PRELID2: variants seen among roughly 807,000 people sequenced by gnomAD.
PRELID2 encodes the protein PRELI domain containing 2.
PRELID2 carries 25 observed loss-of-function variants against 28.4 expected under a neutral mutation model. That is an observed-to-expected ratio of 0.88 (90% CI 0.64 to 1.23). The LOEUF (loss-of-function observed/expected upper bound fraction) is 1.23. Ranked by LOEUF, PRELID2 falls within the 50% of genes most tolerant of loss-of-function variation. PRELID2 has a pLI of 0.00. For missense variants in PRELID2, 201 were observed against 214.4 expected (o/e 0.94, Z 0.39); for synonymous variants, 76 against 71.6 (o/e 1.06, Z -0.31).
intron 1 of PRELID2, among the ~76,000 whole-genome samples, chr5:145,556,865 A>T (rs1013708459): frequency 2.0e-5 from 3 of 152,150 alleles, no homozygotes; most frequent in African/African-American, 7.2e-5. Flanking sequence ...CTATATGCCT[A>T]GGTAACTCCT....
intron 1 of PRELID2, among the ~76,000 whole-genome samples, chr5:145,569,313 T>A (rs1561507980): frequency 6.6e-6 from 1 of 152,248 alleles, no homozygotes; most frequent in Non-Finnish European, 1.5e-5. Context: ...TTCTACAGAA[T>A]ATATTCTAAA....
chr5:145,476,335 G>A (rs1164577579), intron 1 of PRELID2, among the ~76,000 whole-genome samples: 1 of 152,194 alleles, frequency 6.6e-6, no homozygotes, highest in East Asian at 1.9e-4. Context: ...AGTAGAAGAA[G>A]ATAAATTTGA....
intron 1 of PRELID2, among the ~76,000 whole-genome samples, chr5:145,684,956 A>T (rs1755007404): frequency 6.6e-6 from 1 of 152,180 alleles, no homozygotes; most frequent in Non-Finnish European, 1.5e-5. Context: ...GGTATAAGAC[A>T]GATATGAAGA....
At chr5:145,808,546 G>A (rs998995545) in intron 4 of PRELID2, among the ~76,000 whole-genome samples, 2 of 152,120 alleles carry the variant, frequency 1.3e-5, no homozygotes, top group African/African-American at 4.8e-5. Context: ...AGAGAGTGAA[G>A]AATATTCATG....
the PRELID2 span, among the ~76,000 whole-genome samples, chr5:145,457,212 C>T: frequency 2.4e-4 from 36 of 152,058 alleles, no homozygotes; most frequent in African/African-American, 8.7e-4. Flanking sequence ...CACTTACTCT[C>T]CATGTGACAC....
At chr5:145,676,077 G>A (rs370109802) in intron 1 of PRELID2, among the ~76,000 whole-genome samples, 132 of 151,698 alleles carry the variant, frequency 8.7e-4, no homozygotes, top group African/African-American at 2.9e-3. Flanking sequence ...AAAATTAGCC[G>A]GGCGTGGTGG....
At chr5:145,746,283 A>T (rs1756989569) in intron 1 of PRELID2, among the ~76,000 whole-genome samples, 1 of 152,164 alleles carries the variant, frequency 6.6e-6, no homozygotes, top group Admixed American at 6.5e-5. Context: ...CTCACATGCA[A>T]AGTCACACAT....
chr5:145,350,187 CCTT>C, the PRELID2 span, among the ~76,000 whole-genome samples: 1 of 152,124 alleles, frequency 6.6e-6, no homozygotes, highest in Admixed American at 6.6e-5. Flanking sequence ...CCTGATGACT[CCTT>C]AGCATGTAGT....
chr5:145,765,272 T>A (rs1338770951), intron 5 of PRELID2, among the ~76,000 whole-genome samples: 1 of 152,148 alleles, frequency 6.6e-6, no homozygotes, highest in African/African-American at 2.4e-5. Context: ...CCAAGAGTAG[T>A]TAAATAACTT....
chr5:145,695,500 C>T (rs1162999562), intron 1 of PRELID2, among the ~76,000 whole-genome samples: 1 of 152,186 alleles, frequency 6.6e-6, no homozygotes, highest in African/African-American at 2.4e-5. Context: ...TGGTCAATTT[C>T]CAGTGCCACC....
intron 1 of PRELID2, among the ~76,000 whole-genome samples, chr5:145,723,409 T>C (rs955943305): frequency 2.6e-5 from 4 of 152,092 alleles, no homozygotes; most frequent in African/African-American, 9.7e-5. Context: ...AGTAATTACA[T>C]GGAGATGGGA....
chr5:145,574,127 A>G (rs1186746022), intron 1 of PRELID2, among the ~76,000 whole-genome samples: 1 of 152,186 alleles, frequency 6.6e-6, no homozygotes, highest in African/African-American at 2.4e-5. Flanking sequence ...AGGGAGGCAG[A>G]AAAGAGAGAA....
the PRELID2 span, among the ~76,000 whole-genome samples, chr5:145,356,038 G>A: frequency 6.6e-6 from 1 of 152,112 alleles, no homozygotes; most frequent in African/African-American, 2.4e-5. Context: ...TTCTTCCAAT[G>A]TCTTACTAAA....
chr5:145,514,845 A>G (rs1283666908), intron 1 of PRELID2, among the ~76,000 whole-genome samples: 1 of 152,260 alleles, frequency 6.6e-6, no homozygotes, highest in Non-Finnish European at 1.5e-5. Flanking sequence ...ACTCGTGATT[A>G]AGAAACTCAC....
At chr5:145,600,420 G>GGAAA (rs1491541560) in intron 1 of PRELID2, among the ~76,000 whole-genome samples, 111 of 124,130 alleles carry the variant, frequency 8.9e-4, no homozygotes, top group African/African-American at 3.8e-3. Flanking sequence ...CTCAGGGGGG[G>GGAAA]AAAAAAAAAA....
intron 5 of PRELID2, among the ~76,000 whole-genome samples, chr5:145,786,652 C>T (rs1350063098): frequency 6.6e-6 from 1 of 152,180 alleles, no homozygotes; most frequent in African/African-American, 2.4e-5. Context: ...AGAGGTAATA[C>T]ATATGTGTTG....
At chr5:145,688,112 C>G (rs73794411) in intron 1 of PRELID2, among the ~76,000 whole-genome samples, 1 of 152,084 alleles carries the variant, frequency 6.6e-6, no homozygotes, top group Admixed American at 6.5e-5. Context: ...GTCTTTGACA[C>G]GATGCCTTCA....
At chr5:145,291,822 T>C in the PRELID2 span, among the ~76,000 whole-genome samples, 1 of 152,206 alleles carries the variant, frequency 6.6e-6, no homozygotes, top group African/African-American at 2.4e-5. Context: ...ATTCGGTGTC[T>C]TGGAAAAATG....
At chr5:145,709,083 A>G (rs1325325395) in intron 1 of PRELID2, among the ~76,000 whole-genome samples, 1 of 152,164 alleles carries the variant, frequency 6.6e-6, no homozygotes, top group Non-Finnish European at 1.5e-5. Flanking sequence ...TGACTGCAAG[A>G]CCACCTTGAG....
Sources: allele counts gnomAD v4.1 joint callset (sites outside exome capture counted in the v4.1 genomes callset), GRCh38; gene constraint gnomAD v4.1.1; transcripts MANE v1.5; gene names NCBI Gene and HGNC (gene_info 2026-07-23, HGNC 2026-07-21).